Variants in CREB5 observed in about 807,000 individuals in gnomAD.
The protein encoded by CREB5 is cAMP responsive element binding protein 5.
Under a neutral mutation model 57.1 loss-of-function variants are expected in CREB5, and 19 were observed. That is an observed-to-expected ratio of 0.33 (90% confidence interval 0.23 to 0.49). The LOEUF is 0.49. CREB5 is among the 20% of genes least tolerant of loss of function. CREB5 has a pLI of 0.99. For missense variants in CREB5, 579 were observed against 671.6 expected, an observed-to-expected ratio of 0.86 and a Z score of 1.52; for synonymous variants, 238 against 238.3, an observed-to-expected ratio of 1.00 and a Z score of 0.01.
At chr7:28,755,966 C>G (rs375530481) in intron 7 of CREB5, among the ~76,000 whole-genome samples, 1 of 149,206 alleles carries the variant, frequency 6.7e-6, no homozygotes, top group Non-Finnish European at 1.5e-5. Context: ...TAGGGTGGGG[C>G]GGGCATAAAG....
intron 5 of CREB5, among the ~76,000 whole-genome samples, chr7:28,689,938 G>GTGTGTGTT (rs1433296969): frequency 2.7e-5 from 4 of 150,562 alleles, no homozygotes; most frequent in Non-Finnish European, 4.4e-5. Context: ...GTGTGTGTGT[G>GTGTGTGTT]TGTGTGTGTT....
At chr7:28,689,946 G>GTGTGTT (rs1801163954) in intron 5 of CREB5, among the ~76,000 whole-genome samples, 1 of 147,200 alleles carries the variant, frequency 6.8e-6, no homozygotes, top group South Asian at 2.2e-4. Flanking sequence ...GTGTGTGTGT[G>GTGTGTT]TTGTTTTTGT....
At chr7:28,741,536 C>T (rs899403748) in intron 7 of CREB5, among the ~76,000 whole-genome samples, 11 of 152,122 alleles carry the variant, frequency 7.2e-5, no homozygotes, top group Non-Finnish European at 1.2e-4. Context: ...GTTTATCAGC[C>T]GAGATGTGTT....
At chr7:28,524,316 AACACACACACACACACAC>A (rs4000595) in intron 4 of CREB5, among the ~76,000 whole-genome samples, 96 of 136,650 alleles carry the variant, frequency 7.0e-4, no homozygotes, top group South Asian at 4.4e-3. Flanking sequence ...GCCTCTACTA[AACACACACACACACACAC>A]ACACACACAC....
intron 4 of CREB5, among the ~76,000 whole-genome samples, chr7:28,518,088 C>T (rs570087790): frequency 1.3e-5 from 2 of 152,134 alleles, no homozygotes; most frequent in Non-Finnish European, 2.9e-5. Flanking sequence ...CTTCCCAGTC[C>T]TCTCTGTAAA....
chr7:28,583,244 A>G (rs1796183822), intron 5 of CREB5, among the ~76,000 whole-genome samples: 1 of 152,226 alleles, frequency 6.6e-6, no homozygotes, highest in Non-Finnish European at 1.5e-5. Flanking sequence ...TATGTACCAC[A>G]AACAAGAGGA....
chr7:28,749,059 T>A (rs1256342303), intron 7 of CREB5, among the ~76,000 whole-genome samples: 1 of 152,194 alleles, frequency 6.6e-6, no homozygotes, highest in African/African-American at 2.4e-5. Context: ...CAACTGCAAC[T>A]TGGATTTGTA....
intron 4 of CREB5, among the ~76,000 whole-genome samples, chr7:28,544,845 G>A (rs1270181831): frequency 6.6e-6 from 1 of 152,138 alleles, no homozygotes; most frequent in East Asian, 1.9e-4. Context: ...AGTATGGGAC[G>A]GAAAGATCCA....
chr7:28,710,468 G>C (rs917833940), intron 5 of CREB5, among the ~76,000 whole-genome samples: 6 of 152,156 alleles, frequency 3.9e-5, no homozygotes, highest in Non-Finnish European at 5.9e-5. Flanking sequence ...CTAGCTGGGA[G>C]AAGAGACATT....
At chr7:28,766,147 C>T (rs1201498053) in intron 7 of CREB5, among the ~76,000 whole-genome samples, 1 of 151,994 alleles carries the variant, frequency 6.6e-6, no homozygotes, top group African/African-American at 2.4e-5. Flanking sequence ...ATAATGAGAA[C>T]TCATTACATA....
chr7:28,519,291 T>C (rs527611939), intron 4 of CREB5, among the ~76,000 whole-genome samples: 55 of 152,172 alleles, frequency 3.6e-4, no homozygotes, highest in Admixed American at 5.9e-4. Context: ...ACAACATACA[T>C]GTGTATATGT....
At chr7:28,531,454 G>C (rs35845964) in intron 4 of CREB5, among the ~76,000 whole-genome samples, 23,189 of 152,082 alleles carry the variant, frequency 0.15, 2,137 homozygotes, top group East Asian at 0.29. Context: ...TCCTGTGTGT[G>C]TCTGTGTCCA....
chr7:28,730,928 A>C (rs1454898254), intron 7 of CREB5, among the ~76,000 whole-genome samples: 1 of 152,154 alleles, frequency 6.6e-6, no homozygotes, highest in Non-Finnish European at 1.5e-5. Flanking sequence ...CCTTTATAAA[A>C]ATAAAGCTCA....
intron 1 of CREB5, among the ~76,000 whole-genome samples, chr7:28,417,941 C>G (rs753332891): frequency 2.0e-5 from 3 of 152,204 alleles, no homozygotes; most frequent in Non-Finnish European, 4.4e-5. Flanking sequence ...GTCTGCTTCA[C>G]TAGAAATCTT....
intron 1 of CREB5, among the ~76,000 whole-genome samples, chr7:28,456,245 T>TTTC (rs1554325759): frequency 2.0e-5 from 3 of 152,010 alleles, no homozygotes; most frequent in African/African-American, 7.2e-5. Flanking sequence ...GATTGATTTT[T>TTTC]CCCCCAAAGA....
intron 1 of CREB5, among the ~76,000 whole-genome samples, chr7:28,453,863 C>T (rs1789958572): frequency 1.3e-5 from 2 of 152,080 alleles, no homozygotes; most frequent in African/African-American, 2.4e-5. Flanking sequence ...GCCCTCTTTA[C>T]TTTGTTGGTG....
intron 5 of CREB5, among the ~76,000 whole-genome samples, chr7:28,580,746 A>G (rs1262869047): frequency 1.3e-5 from 2 of 152,138 alleles, no homozygotes; most frequent in Non-Finnish European, 2.9e-5. Flanking sequence ...TTGAGTTGGC[A>G]GTTTGGAGCC....
chr7:28,793,677 G>A (rs900106142), intron 7 of CREB5, among the ~76,000 whole-genome samples: 2 of 152,218 alleles, frequency 1.3e-5, no homozygotes, highest in Non-Finnish European at 1.5e-5. Flanking sequence ...CTTGGGGGAG[G>A]ATCTGCTAGA....
intron 4 of CREB5, among the ~76,000 whole-genome samples, chr7:28,512,657 G>C (rs911939467): frequency 7.5e-6 from 1 of 132,784 alleles, no homozygotes; most frequent in African/African-American, 2.5e-5. Context: ...CTGTGTGTGT[G>C]TGTGTGTGTG....
Sources: gnomAD v4.1 joint callset for allele counts (sites outside exome capture counted in the v4.1 genomes callset) on GRCh38, gnomAD v4.1.1 for gene constraint, MANE v1.5 for transcripts, NCBI Gene and HGNC (gene_info 2026-07-23, HGNC 2026-07-21) for gene names.